Variants in FBXO11 observed in about 807,000 individuals in gnomAD.
The protein encoded by FBXO11 is F-box only protein 11.
In FBXO11, 13 loss-of-function variants were observed where a neutral mutation model predicts 117.0. That is an observed-to-expected ratio of 0.11 (90% CI 0.07 to 0.18). The LOEUF is 0.18. FBXO11 is among the 10% of genes least tolerant of loss of function. FBXO11 has a pLI of 1.00. For synonymous variants in FBXO11, 490 were observed against 380.5 expected (o/e 1.29, Z -3.35); for missense variants, 767 against 1,164.4 (o/e 0.66, Z 4.97).
chr2:47,814,222 C>A (rs891910782), intron 16 of FBXO11: 62 of 205,918 alleles, frequency 3.0e-4, no homozygotes, highest in Admixed American at 4.8e-4. Context: ...GCGAGTATTG[C>A]AATAAAGAGA....
rs764932892 is a variant in FBXO11, at chr2:47,820,383, G to A, written c.1776C>T (p.Gly592=). 6.2e-7 allele frequency: 1 copy of A among 1,613,586 alleles called. No homozygotes were observed. Among genetic ancestry groups the A allele is most frequent in the Non-Finnish European group, 8.5e-7 (1 of 1,179,804 alleles). Residue 592 remains glycine (G), a synonymous_variant, in exon 14 of 23, where the codon GGC becomes GGT. Coordinates refer to ENST00000403359, the MANE Select transcript of FBXO11 (RefSeq NM_001190274.2). ...TTACCACATAAATCCCACCATGCTGGCCATCATGAATTTTGTTATGCCGAA... is the reference window on the plus strand; with the variant it reads ...TTACCACATAAATCCCACCATGCTGACCATCATGAATTTTGTTATGCCGAA... ...PIVRHNKIHD[G]QHGGIYVHEK...
chr2:47,813,397 G>C lies in FBXO11; in HGVS notation c.2084-20C>G, dbSNP rs780975828. On this transcript the variant is annotated intron_variant, in intron 17 of 22. Transcript: ENST00000403359. ...CTAGACCTATAAATGCAAAAATGTA[G>C]GTTATCTAGAAGGTATATTTCTTTT... is the stretch of plus-strand genomic sequence containing the variant. 5 of 1,316,506 alleles carry C rather than the reference G, an allele frequency of 3.8e-6. No individual in the cohort carries two copies. The East Asian group carries it at 7.8e-5, about 21-fold the overall frequency. 81.6% of individuals were successfully genotyped at this position (1,316,506 alleles called of 1,614,324 possible). A position where few individuals can be genotyped will look rare whatever the true frequency, so the allele number is the denominator to read the frequency against.
At chr2:47,860,269 C>G (rs1572860652) in intron 1 of FBXO11, among the ~76,000 whole-genome samples, 1 of 152,062 alleles carries the variant, frequency 6.6e-6, no homozygotes, top group East Asian at 1.9e-4. Flanking sequence ...AACTCATTTG[C>G]CAGAGAGCAC....
In FBXO11 at chr2:47,807,999, G is replaced by A; in HGVS notation, c.*119C>T. 1 of 890,408 alleles carries A rather than the reference G, an allele frequency of 1.1e-6. No homozygotes were observed. Among genetic ancestry groups the A allele is most frequent in the Non-Finnish European group, 1.7e-6 (1 of 581,646 alleles). 55.2% of individuals were successfully genotyped at this position (890,408 alleles called of 1,614,324 possible). On this transcript the variant is annotated 3_prime_UTR_variant, in exon 23 of 23. Coordinates refer to ENST00000403359, the MANE Select transcript of FBXO11 (RefSeq NM_001190274.2). ...GCTTCATAGTGTCAACTGACCTTGT[G>A]TATCCATTTTTAATACAGTCTCTTC...
intron 1 of FBXO11, among the ~76,000 whole-genome samples, chr2:47,855,101 T>C (rs1674178759): frequency 6.6e-6 from 1 of 152,102 alleles, no homozygotes; most frequent in South Asian, 2.1e-4. Flanking sequence ...CACTATATCA[T>C]TTTTAGGGAT....
At chr2:47,811,924 T>C (rs1468159260) in intron 18 of FBXO11, among the ~76,000 whole-genome samples, 2 of 152,166 alleles carry the variant, frequency 1.3e-5, no homozygotes, top group African/African-American at 4.8e-5. Context: ...TCCTTTTAAG[T>C]ATCATTAACA....
intron 1 of FBXO11, among the ~76,000 whole-genome samples, chr2:47,849,861 A>G (rs557509262): frequency 6.6e-6 from 1 of 152,342 alleles, no homozygotes; most frequent in South Asian, 2.1e-4. Flanking sequence ...TATGTAGCAG[A>G]GGCCAAATTA....
intron 1 of FBXO11, among the ~76,000 whole-genome samples, chr2:47,880,810 C>A (rs190392308): frequency 6.6e-6 from 1 of 152,096 alleles, no homozygotes; most frequent in Non-Finnish European, 1.5e-5. Flanking sequence ...TATCTTATAC[C>A]TTTTCTCTAT....
At position 47,823,161 on chromosome 2, in the gene FBXO11, T is replaced by C. The variant is rs1382955876; in HGVS notation, c.1598A>G (p.Asn533Ser). 6.2e-7 allele frequency: 1 copy of C among 1,612,710 alleles called. No individual in the cohort carries two copies. Among genetic ancestry groups the C allele is most frequent in the Non-Finnish European group, 8.5e-7 (1 of 1,179,082 alleles). The change falls in exon 12 of 23, where the codon AAT (asparagine) becomes AGT (serine). Residue 533 changes from asparagine to serine, a missense_variant. By Grantham distance (46) the Asn-to-Ser change is conservative (BLOSUM62 1). Around this residue, in one of 10 missense-constraint regions of FBXO11, gnomAD observed 67 missense variants for 148.8 expected, o/e 0.45. Coordinates refer to ENST00000403359, the MANE Select transcript of FBXO11 (RefSeq NM_001190274.2). ...TAAATACCTTATTGTTGGGTCACTA[T>C]TTGAGGTAATCCATACACCTGCAAA... is the stretch of plus-strand genomic sequence containing the variant. Reference protein sequence around the residue: ...NNFAGVWITSNSDPTIRGNSI... With the variant: ...NNFAGVWITSSSDPTIRGNSI...
intron 11 of FBXO11, among the ~76,000 whole-genome samples, chr2:47,824,747 T>C (rs759463544): frequency 6.4e-4 from 98 of 152,304 alleles, no homozygotes; most frequent in Non-Finnish European, 8.5e-4. Context: ...TGGATAATTA[T>C]GTGTTTCTTC....
intron 11 of FBXO11, among the ~76,000 whole-genome samples, chr2:47,830,632 GAAATATCTATCTATAGC>G (rs1672108592): frequency 6.6e-6 from 1 of 152,068 alleles, no homozygotes; most frequent in Non-Finnish European, 1.5e-5. Context: ...ATCCTTAATG[GAAATATCTATCTATAGC>G]ATTGTCTAGA....
At chr2:47,828,380 G>A (rs1022548759) in intron 11 of FBXO11, among the ~76,000 whole-genome samples, 6 of 152,134 alleles carry the variant, frequency 3.9e-5, no homozygotes, top group Admixed American at 6.6e-5. Context: ...GGCCAGGCGC[G>A]GTGGAGCTCT....
chr2:47,815,307 G>A (rs1050006373), intron 16 of FBXO11, among the ~76,000 whole-genome samples: 1 of 152,214 alleles, frequency 6.6e-6, no homozygotes, highest in African/African-American at 2.4e-5. Context: ...CCCTTCCCCT[G>A]GGTATCCCCC....
At chr2:47,867,924 A>G (rs760333695) in intron 1 of FBXO11, among the ~76,000 whole-genome samples, 10 of 152,328 alleles carry the variant, frequency 6.6e-5, no homozygotes, top group South Asian at 2.1e-4. Context: ...TAGAAACAAC[A>G]ATTTTTTTTA....
At chr2:47,902,945 A>G (rs1003309359) in intron 1 of FBXO11, among the ~76,000 whole-genome samples, 3 of 151,914 alleles carry the variant, frequency 2.0e-5, no homozygotes. Context: ...AAAACCACAC[A>G]TACATTCTTA....
At chr2:47,883,652 T>C in intron 1 of FBXO11, 1 of 290,384 alleles carries the variant, frequency 3.4e-6, no homozygotes, top group Non-Finnish European at 7.0e-6. Flanking sequence ...AGGAGTCTAC[T>C]CTTCATCTTG....
chr2:47,880,000 G>GTT (rs374178442), intron 1 of FBXO11, among the ~76,000 whole-genome samples: 2 of 144,186 alleles, frequency 1.4e-5, no homozygotes. Context: ...TTCAGAGAAG[G>GTT]TTTTTTTTTT....
At chr2:47,898,551 T>C (rs182445942) in intron 1 of FBXO11, among the ~76,000 whole-genome samples, 10 of 152,322 alleles carry the variant, frequency 6.6e-5, no homozygotes, top group Admixed American at 2.0e-4. Context: ...AAATCTACCC[T>C]TCTTTGTATA....
intron 1 of FBXO11, among the ~76,000 whole-genome samples, chr2:47,886,467 C>T (rs540508945): frequency 6.8e-6 from 1 of 148,080 alleles, no homozygotes; most frequent in African/African-American, 2.5e-5. Flanking sequence ...GATCGCGCCA[C>T]TGCACTCCAG....
Sources: allele counts gnomAD v4.1 joint callset (sites outside exome capture counted in the v4.1 genomes callset), GRCh38; gene constraint gnomAD v4.1.1; regional missense constraint gnomAD v4.1.1; transcripts MANE v1.5; gene names NCBI Gene and HGNC (gene_info 2026-07-23, HGNC 2026-07-21).